Variants in PLEKHA8 observed in about 807,000 individuals in gnomAD.
PLEKHA8 encodes the protein pleckstrin homology domain-containing family A member 8.
PLEKHA8 carries 36 observed loss-of-function variants against 68.2 expected under a neutral mutation model. That is an observed-to-expected ratio of 0.53 (90% CI 0.40 to 0.70). The LOEUF is 0.70. PLEKHA8 is among the 30% of genes least tolerant of loss of function. The pLI, the probability that PLEKHA8 is intolerant of heterozygous loss-of-function variation, is 0.00. For missense variants in PLEKHA8, 505 were observed against 615.4 expected, an observed-to-expected ratio of 0.82 and a Z score of 1.90; for synonymous variants, 211 against 216.1, an observed-to-expected ratio of 0.98 and a Z score of 0.20.
chr7:30,083,375 G>A lies in PLEKHA8; in HGVS notation c.*4588G>A. 1.0e-6 allele frequency: 1 copy of A among 983,600 alleles called. No individual in the cohort carries two copies. The highest frequency in any genetic ancestry group is 1.2e-6 in the Non-Finnish European group (1 of 828,334). 60.9% of individuals were successfully genotyped at this position (983,600 alleles called of 1,614,324 possible). ...AATGGTATTTTAAGACTGTTTATCTGTATCACAACGTCATTAGGAGTTCTT... is the reference window on the plus strand; with the variant it reads ...AATGGTATTTTAAGACTGTTTATCTATATCACAACGTCATTAGGAGTTCTT... On this transcript the variant is annotated 3_prime_UTR_variant, in exon 14 of 14. Transcript: ENST00000449726.
chr7:30,101,305 C>A (rs186985667), intron 13 of PLEKHA8, among the ~76,000 whole-genome samples: 1 of 152,158 alleles, frequency 6.6e-6, no homozygotes, highest in Non-Finnish European at 1.5e-5. Flanking sequence ...CTGTTTTAGT[C>A]TGTTGAGGCT....
intron 12 of PLEKHA8, among the ~76,000 whole-genome samples, chr7:30,068,313 A>G (rs1794006950): frequency 6.6e-6 from 1 of 152,240 alleles, no homozygotes; most frequent in Non-Finnish European, 1.5e-5. Flanking sequence ...GATATTGCCA[A>G]ATTGCTCTCC....
Position 30,083,860 on chromosome 7 carries a change from C to G in PLEKHA8, c.*5073C>G. 4.1e-6 allele frequency: 4 copies of G among 985,304 alleles called. No homozygotes were observed. The highest frequency in any genetic ancestry group is 4.8e-6 in the Non-Finnish European group (4 of 829,868). 61.0% of individuals were successfully genotyped at this position (985,304 alleles called of 1,614,324 possible). On this transcript the variant is annotated 3_prime_UTR_variant, in exon 14 of 14. Transcript: ENST00000449726. The stretch of plus-strand genomic sequence containing the variant: ...GAAACCACCCTGGGATGGTTGATAC[C>G]CCTTACAAAGTCGATCTTACCCACA...
chr7:30,123,787 C>T (rs1335326007), intron 13 of PLEKHA8, among the ~76,000 whole-genome samples: 2 of 152,162 alleles, frequency 1.3e-5, no homozygotes, highest in Non-Finnish European at 2.9e-5. Flanking sequence ...GATAACTTTA[C>T]CTGGGCACCT....
At chr7:30,051,396 G>T (rs1283985265) in intron 6 of PLEKHA8, among the ~76,000 whole-genome samples, 27 of 144,388 alleles carry the variant, frequency 1.9e-4, no homozygotes, top group Non-Finnish European at 2.6e-4. Context: ...TTGAAATATG[G>T]TTTTTTTTTT....
chr7:30,064,641 A>G (rs1213741278), intron 12 of PLEKHA8, among the ~76,000 whole-genome samples: 1 of 152,218 alleles, frequency 6.6e-6, no homozygotes, highest in Non-Finnish European at 1.5e-5. Flanking sequence ...TATCATAATC[A>G]TGATATATGA....
intron 6 of PLEKHA8, 27 bp from the exon 7 acceptor site, chr7:30,052,682 C>T: frequency 7.0e-7 from 1 of 1,419,640 alleles, no homozygotes; most frequent in Non-Finnish European, 9.3e-7. Flanking sequence ...GACCTTCTGG[C>T]TTTTTTTCCT....
chr7:30,059,664 G>GTT (rs1250284850), intron 9 of PLEKHA8, among the ~76,000 whole-genome samples: 2 of 142,930 alleles, frequency 1.4e-5, no homozygotes, highest in Non-Finnish European at 3.1e-5. Context: ...GATCAATCAA[G>GTT]TATTTTTTTT....
At chr7:30,112,143 A>G (rs1247492663) in intron 13 of PLEKHA8, among the ~76,000 whole-genome samples, 1 of 152,238 alleles carries the variant, frequency 6.6e-6, no homozygotes, top group African/African-American at 2.4e-5. Context: ...AAATGAAAAC[A>G]TGAACAATTC....
chr7:30,049,073 T>TA (rs1792193218), intron 4 of PLEKHA8, 151 bp from the exon 5 acceptor site: 1 of 866,438 alleles, frequency 1.2e-6, no homozygotes, highest in Non-Finnish European at 1.8e-6. Context: ...GATTAATAGA[T>TA]AAATTGGGCT....
At chr7:30,035,007 G>A (rs1055945847) in intron 1 of PLEKHA8, among the ~76,000 whole-genome samples, 7 of 151,646 alleles carry the variant, frequency 4.6e-5, no homozygotes, top group Admixed American at 1.3e-4. Flanking sequence ...CATCCATTTT[G>A]AATTAATTTT....
In PLEKHA8 at chr7:30,082,925, G is replaced by T. The variant is rs1186986752; in HGVS notation, c.*4138G>T. On this transcript the variant is annotated 3_prime_UTR_variant, in exon 14 of 14. Transcript: ENST00000449726. ...AAACTACCATGTCCTACAAGAACTT[G>T]GTTATATAATGGTGCGTCTCTGAAT... 4 of 985,158 alleles carry T rather than the reference G, an allele frequency of 4.1e-6. No homozygotes were observed. Among genetic ancestry groups the T allele is most frequent in the Middle Eastern group, 5.2e-4 (1 of 1,934 alleles). The allele number at this position is 985,158 out of a possible 1,614,324, so 61.0% of individuals were successfully genotyped here. A position where few individuals can be genotyped will look rare whatever the true frequency, so the allele number is the denominator to read the frequency against.
downstream of PLEKHA8, among the ~76,000 whole-genome samples, chr7:30,085,660 C>T (rs948442563): frequency 2.0e-5 from 3 of 152,168 alleles, no homozygotes; most frequent in African/African-American, 4.8e-5. Flanking sequence ...CCACTATTGC[C>T]CACTTGAGCC....
chr7:30,083,000 A>G lies in PLEKHA8; in HGVS notation c.*4213A>G. 4 of 985,332 alleles carry G rather than the reference A, an allele frequency of 4.1e-6. No individual in the cohort carries two copies. Among genetic ancestry groups the G allele is most frequent in the Non-Finnish European group, 4.8e-6 (4 of 829,844 alleles). 61.0% of individuals were successfully genotyped at this position (985,332 alleles called of 1,614,324 possible). ...GATTTTAGTCACAGGTTTTACAAGTATTCAGCTCTCCCTCATGTTTCATTT... is the reference window on the plus strand; with the variant it reads ...GATTTTAGTCACAGGTTTTACAAGTGTTCAGCTCTCCCTCATGTTTCATTT... On this transcript the variant is annotated 3_prime_UTR_variant, in exon 14 of 14. Coordinates refer to ENST00000449726, the MANE Select transcript of PLEKHA8 (RefSeq NM_001197026.2).
intron 12 of PLEKHA8, among the ~76,000 whole-genome samples, chr7:30,070,805 A>G (rs1190859659): frequency 6.6e-6 from 1 of 151,984 alleles, no homozygotes; most frequent in East Asian, 1.9e-4. Flanking sequence ...CGGCCTCCCA[A>G]AGTGCTGGGA....
chr7:30,067,560 A>G (rs1793940488), intron 12 of PLEKHA8, among the ~76,000 whole-genome samples: 1 of 152,264 alleles, frequency 6.6e-6, no homozygotes, highest in Non-Finnish European at 1.5e-5. Context: ...TTAAGTGCCC[A>G]CGTGTCACTC....
downstream of PLEKHA8, among the ~76,000 whole-genome samples, chr7:30,088,599 A>G (rs141495349): frequency 1.2e-4 from 18 of 152,330 alleles, no homozygotes; most frequent in East Asian, 3.5e-3. Context: ...TTCATCCCCT[A>G]AAGCTGAACA....
At position 30,078,638 on chromosome 7, in the gene PLEKHA8, A is replaced by G. The variant is rs1238692457; in HGVS notation, c.1411A>G (p.Thr471Ala). 6.2e-7 allele frequency: 1 copy of G among 1,613,744 alleles called. No homozygotes were observed. Among genetic ancestry groups the G allele is most frequent in the Non-Finnish European group, 8.5e-7 (1 of 1,179,844 alleles). ...PSYEDFVAAL[T>A]VKEGDHQKEA... is the part of the protein sequence containing the mutation. Reference sequence around the variant, plus strand: ...CTATGAAGATTTTGTGGCCGCGTTAACCGTAAAGGAAGGTGACCACCAGAA... The same window carrying G: ...CTATGAAGATTTTGTGGCCGCGTTAGCCGTAAAGGAAGGTGACCACCAGAA... The change falls in exon 14 of 14, where the codon ACC (threonine) becomes GCC (alanine). Residue 471 changes from threonine to alanine, a missense_variant. Transcript: ENST00000449726.
At chr7:30,118,023 G>A (rs1053063894) in intron 13 of PLEKHA8, 27 of 1,524,982 alleles carry the variant, frequency 1.8e-5, no homozygotes, top group Middle Eastern at 1.7e-4. Context: ...AGAATCAGGC[G>A]GGTGCAGAGT....
Sources: gnomAD v4.1 joint callset for allele counts (sites outside exome capture counted in the v4.1 genomes callset) on GRCh38, gnomAD v4.1.1 for gene constraint, MANE v1.5 for transcripts, NCBI Gene and HGNC (gene_info 2026-07-23, HGNC 2026-07-21) for gene names.